Variants in PCDH11X observed in about 807,000 individuals in gnomAD.
PCDH11X encodes protocadherin-11 X-linked.
In PCDH11X, 18 loss-of-function variants were observed where a neutral mutation model predicts 53.3. That is an observed-to-expected ratio of 0.34 (90% CI 0.23 to 0.50). The LOEUF (loss-of-function observed/expected upper bound fraction) is 0.50, where lower values mean the gene tolerates loss of function less well. PCDH11X is among the 20% of genes least tolerant of loss of function. The pLI is 0.98. For missense variants in PCDH11X, 570 were observed against 1,032.4 expected (o/e 0.55, Z 6.14); for synonymous variants, 279 against 393.3 (o/e 0.71, Z 3.44).
At chrX:91,803,800 C>T (rs1292429005) in intron 1 of PCDH11X, among the ~76,000 whole-genome samples, 1 of 111,640 alleles carries the variant, frequency 9.0e-6, no homozygotes, top group African/African-American at 3.3e-5. Context: ...AAGATGACCC[C>T]AGCTGCTTAG....
chrX:91,927,162 G>T (rs971609188), intron 6 of PCDH11X, among the ~76,000 whole-genome samples: 1 of 106,970 alleles, frequency 9.3e-6, no homozygotes, highest in African/African-American at 3.4e-5. Context: ...ACACACACTG[G>T]CTTTATGTTT....
chrX:92,199,235 A>G (rs761556154), intron 6 of PCDH11X, among the ~76,000 whole-genome samples: 20 of 112,093 alleles, frequency 1.8e-4, no homozygotes, highest in African/African-American at 6.1e-4. Context: ...TATTATTAGC[A>G]ATAATGCCAG....
intron 8 of PCDH11X, among the ~76,000 whole-genome samples, chrX:92,381,379 A>G (rs913076606): frequency 3.2e-4 from 36 of 111,631 alleles, no homozygotes; most frequent in African/African-American, 1.1e-3. Flanking sequence ...AACATGTTTC[A>G]TATACACCAG....
intron 8 of PCDH11X, among the ~76,000 whole-genome samples, chrX:92,381,463 G>A (rs936738123): frequency 5.4e-4 from 60 of 111,782 alleles, no homozygotes; most frequent in African/African-American, 1.9e-3. Flanking sequence ...CATACTAGCC[G>A]ATGTGTGCAT....
chrX:91,795,975 A>G (rs943877944), intron 1 of PCDH11X, among the ~76,000 whole-genome samples: 2 of 112,083 alleles, frequency 1.8e-5, no homozygotes, highest in African/African-American at 6.5e-5. Flanking sequence ...TGTTTGCTCT[A>G]TTGCTAAAAA....
intron 8 of PCDH11X, among the ~76,000 whole-genome samples, chrX:92,266,716 T>C (rs1444329978): frequency 1.8e-5 from 2 of 110,009 alleles, no homozygotes; most frequent in Non-Finnish European, 3.8e-5. Flanking sequence ...CCACTTGTAA[T>C]TGAATAGTGT....
chrX:91,902,541 A>G (rs1361013092), intron 6 of PCDH11X, among the ~76,000 whole-genome samples: 1 of 105,102 alleles, frequency 9.5e-6, no homozygotes, highest in Non-Finnish European at 1.9e-5. Flanking sequence ...GCCTGTTCTC[A>G]TCATTTTATA....
intron 10 of PCDH11X, among the ~76,000 whole-genome samples, chrX:92,495,579 C>A (rs1181490948): frequency 9.0e-6 from 1 of 110,620 alleles, no homozygotes; most frequent in Non-Finnish European, 1.9e-5. Context: ...GTAAAGTATG[C>A]AATTTGGCAT....
chrX:92,526,676 T>C (rs1239370498), intron 10 of PCDH11X, among the ~76,000 whole-genome samples: 1 of 107,514 alleles, frequency 9.3e-6, no homozygotes, highest in Non-Finnish European at 1.9e-5. Context: ...TAGTACCGTG[T>C]TGGTGGAAAT....
At chrX:92,470,537 A>G (rs1034536347) in intron 10 of PCDH11X, among the ~76,000 whole-genome samples, 2 of 109,289 alleles carry the variant, frequency 1.8e-5, no homozygotes, top group African/African-American at 6.7e-5. Flanking sequence ...GATCTTAGAG[A>G]AAACACTTTT....
intron 10 of PCDH11X, among the ~76,000 whole-genome samples, chrX:92,551,721 A>C (rs2074957753): frequency 9.0e-6 from 1 of 110,815 alleles, no homozygotes; most frequent in Admixed American, 9.7e-5. Context: ...TTTTGATTTT[A>C]TTTTTGTATA....
chrX:92,385,794 C>A (rs1443152752), intron 8 of PCDH11X, among the ~76,000 whole-genome samples: 1 of 111,130 alleles, frequency 9.0e-6, no homozygotes, highest in Non-Finnish European at 1.9e-5. Context: ...TGCATTCCAA[C>A]CTAGATGACA....
intron 7 of PCDH11X, among the ~76,000 whole-genome samples, chrX:92,240,100 T>A (rs1235317129): frequency 8.9e-6 from 1 of 112,018 alleles, no homozygotes; most frequent in Non-Finnish European, 1.9e-5. Flanking sequence ...ATAACTGGAT[T>A]CTTTGTTCAG....
intron 6 of PCDH11X, among the ~76,000 whole-genome samples, chrX:92,042,918 C>T (rs1211622552): frequency 9.1e-6 from 1 of 109,889 alleles, no homozygotes; most frequent in African/African-American, 3.3e-5. Context: ...GGATTACAGA[C>T]GTGAGCCACC....
intron 6 of PCDH11X, among the ~76,000 whole-genome samples, chrX:92,100,465 C>G (rs2064221734): frequency 9.1e-6 from 1 of 109,730 alleles, no homozygotes; most frequent in Admixed American, 9.8e-5. Context: ...AGTGGGGGTG[C>G]TTTTTGAGCC....
intron 6 of PCDH11X, among the ~76,000 whole-genome samples, chrX:91,954,515 G>C (rs2061684559): frequency 9.0e-6 from 1 of 111,306 alleles, no homozygotes; most frequent in South Asian, 3.8e-4. Context: ...TCCACCTCTA[G>C]GTCTTTGAGG....
rs1459914793 is a variant in PCDH11X, at chrX:91,980,611, T to G, written c.3033+101338T>G. Reference sequence around the variant, plus strand: ...CACACTGGCTAAATTTTGTTGTTGTTTATAGTAGGGACAAGGTCTCACTAC... The same window carrying G: ...CACACTGGCTAAATTTTGTTGTTGTGTATAGTAGGGACAAGGTCTCACTAC... On this transcript the variant is annotated intron_variant, in intron 6 of 10. Coordinates refer to ENST00000682573, the MANE Select transcript of PCDH11X (RefSeq NM_032968.5). Among the ~76,000 whole-genome samples the G allele has an allele frequency of 5.6e-5, 6 of 107,820 alleles. No individual in the cohort carries two copies. In the South Asian group the frequency reaches 2.5e-3, roughly 45 times the overall value. 93.6% of individuals were successfully genotyped at this position (107,820 alleles called of 115,157 possible). A position where few individuals can be genotyped will look rare whatever the true frequency, so the allele number is the denominator to read the frequency against.
At chrX:92,195,938 T>C (rs2066285543) in intron 6 of PCDH11X, among the ~76,000 whole-genome samples, 1 of 112,015 alleles carries the variant, frequency 8.9e-6, no homozygotes, top group Admixed American at 9.5e-5. Flanking sequence ...AGTTTCCCCA[T>C]GGAGAGGAAA....
intron 6 of PCDH11X, among the ~76,000 whole-genome samples, chrX:91,908,458 C>T (rs892166602): frequency 1.8e-5 from 2 of 111,580 alleles, no homozygotes; most frequent in African/African-American, 6.5e-5. Context: ...TGAAAAAATG[C>T]AAATCAAAAC....
Sources: allele counts gnomAD v4.1 joint callset (sites outside exome capture counted in the v4.1 genomes callset), GRCh38; gene constraint gnomAD v4.1.1; transcripts MANE v1.5; gene names NCBI Gene and HGNC (gene_info 2026-07-23, HGNC 2026-07-21).